CADM2: variants seen among roughly 807,000 people sequenced by gnomAD.
CADM2 encodes the protein immunoglobulin superfamily member 4D.
Under a neutral mutation model 49.8 loss-of-function variants are expected in CADM2, and 12 were observed. That is an observed-to-expected ratio of 0.24 (90% CI 0.15 to 0.39). The LOEUF (loss-of-function observed/expected upper bound fraction) is 0.39. Among genes scored for constraint, CADM2 ranks in the 10% least tolerant of loss-of-function variants. The pLI is 1.00. For missense variants in CADM2, 378 were observed against 492.3 expected, an observed-to-expected ratio of 0.77 and a Z score of 2.20; for synonymous variants, 214 against 175.4, an observed-to-expected ratio of 1.22 and a Z score of -1.74.
intron 1 of CADM2, among the ~76,000 whole-genome samples, chr3:85,452,379 T>C (rs2037786069): frequency 6.6e-6 from 1 of 152,094 alleles, no homozygotes; most frequent in South Asian, 2.1e-4. Flanking sequence ...AAAATGGAGA[T>C]TTAAAGAGAA....
intron 3 of CADM2, among the ~76,000 whole-genome samples, chr3:85,855,993 C>T (rs2075304962): frequency 6.6e-6 from 1 of 152,126 alleles, no homozygotes; most frequent in African/African-American, 2.4e-5. Context: ...ATCAATGCAG[C>T]ATTGCATTAG....
chr3:85,726,552 A>G lies in CADM2; in HGVS notation c.88+4A>G, dbSNP rs1331169255. ...GCTTCAAAGAATAAAGTTAAAGGTGAGCTCCTGTTTATTCTGCATGAGTCA... is the reference window on the plus strand; with the variant it reads ...GCTTCAAAGAATAAAGTTAAAGGTGGGCTCCTGTTTATTCTGCATGAGTCA... On this transcript the variant is annotated splice_donor_region_variant and intron_variant, in intron 2 of 9. Coordinates refer to ENST00000383699, the MANE Select transcript of CADM2 (RefSeq NM_001167675.2). 1.2e-6 allele frequency: 2 copies of G among 1,610,554 alleles called. No homozygotes were observed. The highest frequency in any genetic ancestry group is 2.2e-5 in the South Asian group (2 of 90,962).
chr3:85,701,738 G>A (rs975127607), intron 1 of CADM2, among the ~76,000 whole-genome samples: 2 of 152,092 alleles, frequency 1.3e-5, no homozygotes, highest in Admixed American at 6.6e-5. Context: ...AATTTTACCA[G>A]GACCCAGAAT....
chr3:86,063,379 AT>A (rs1349425361), intron 8 of CADM2, among the ~76,000 whole-genome samples: 2 of 151,692 alleles, frequency 1.3e-5, no homozygotes, highest in Non-Finnish European at 3.0e-5. Flanking sequence ...ATCTGTAGCA[AT>A]TATAAAAACA....
intron 1 of CADM2, among the ~76,000 whole-genome samples, chr3:84,984,551 C>T (rs1389296265): frequency 6.6e-6 from 1 of 151,404 alleles, no homozygotes; most frequent in African/African-American, 2.4e-5. Flanking sequence ...AACAGCTAGT[C>T]CCCACTGCCT....
intron 1 of CADM2, among the ~76,000 whole-genome samples, chr3:85,391,654 A>G (rs1162443845): frequency 6.6e-6 from 1 of 152,146 alleles, no homozygotes; most frequent in African/African-American, 2.4e-5. Context: ...TCTTGGCCAA[A>G]GTGCCAACCA....
chr3:85,829,028 G>A (rs2108221529), intron 3 of CADM2, among the ~76,000 whole-genome samples: 1 of 152,042 alleles, frequency 6.6e-6, no homozygotes, highest in Non-Finnish European at 1.5e-5. Context: ...ATACTTTAGT[G>A]TCTAGCATCA....
chr3:85,117,595 T>C (rs1259637183), intron 1 of CADM2, among the ~76,000 whole-genome samples: 1 of 152,148 alleles, frequency 6.6e-6, no homozygotes, highest in Non-Finnish European at 1.5e-5. Context: ...GATTATAATA[T>C]AGCATTACAG....
At chr3:85,759,203 C>CTTG (rs2069259704) in intron 2 of CADM2, among the ~76,000 whole-genome samples, 1 of 152,024 alleles carries the variant, frequency 6.6e-6, no homozygotes, top group Admixed American at 6.6e-5. Context: ...GAATAAAAGA[C>CTTG]ATTGCTTGAG....
chr3:85,310,910 T>C (rs2044325985), intron 1 of CADM2, among the ~76,000 whole-genome samples: 1 of 152,286 alleles, frequency 6.6e-6, no homozygotes, highest in African/African-American at 2.4e-5. Flanking sequence ...AATATTGTTC[T>C]CATAATGAAG....
intron 1 of CADM2, among the ~76,000 whole-genome samples, chr3:85,184,807 T>C (rs2041016871): frequency 6.6e-6 from 1 of 152,096 alleles, no homozygotes; most frequent in South Asian, 2.1e-4. Flanking sequence ...TTTGCATTAG[T>C]GAAGAGTCTA....
At chr3:85,595,445 A>G (rs1174891401) in intron 1 of CADM2, among the ~76,000 whole-genome samples, 1 of 152,056 alleles carries the variant, frequency 6.6e-6, no homozygotes, top group African/African-American at 2.4e-5. Flanking sequence ...TGTTCTGTCA[A>G]TATTCCAACT....
At chr3:85,018,533 T>G (rs974233625) in intron 1 of CADM2, among the ~76,000 whole-genome samples, 1 of 152,116 alleles carries the variant, frequency 6.6e-6, no homozygotes, top group African/African-American at 2.4e-5. Flanking sequence ...TTTGTATTTT[T>G]CGTAGAGATG....
At chr3:85,063,431 A>G (rs2036410410) in intron 1 of CADM2, among the ~76,000 whole-genome samples, 1 of 152,040 alleles carries the variant, frequency 6.6e-6, no homozygotes, top group African/African-American at 2.4e-5. Flanking sequence ...AGCAGATTTT[A>G]GAAATAGAGC....
intron 1 of CADM2, among the ~76,000 whole-genome samples, chr3:85,229,012 C>T (rs2042223845): frequency 6.6e-6 from 1 of 152,166 alleles, no homozygotes; most frequent in African/African-American, 2.4e-5. Context: ...CAGAGATACC[C>T]TGCCCACAGA....
chr3:85,248,999 TATC>T (rs964107167), intron 1 of CADM2, among the ~76,000 whole-genome samples: 6 of 152,168 alleles, frequency 3.9e-5, no homozygotes, highest in African/African-American at 1.4e-4. Context: ...CAAAAAATGT[TATC>T]ATCTGTAGGA....
At chr3:85,841,990 T>C (rs1457679865) in intron 3 of CADM2, among the ~76,000 whole-genome samples, 1 of 152,124 alleles carries the variant, frequency 6.6e-6, no homozygotes, top group African/African-American at 2.4e-5. Flanking sequence ...TTTTATTTTC[T>C]ATAACAAACC....
intron 8 of CADM2, among the ~76,000 whole-genome samples, chr3:86,020,564 T>C (rs1454802388): frequency 6.6e-6 from 1 of 151,330 alleles, no homozygotes; most frequent in African/African-American, 2.4e-5. Context: ...ATATCCTTGA[T>C]GAACATTGAT....
In CADM2 at chr3:85,568,505, TTC is replaced by T. The variant is rs1303179169; in HGVS notation, c.62-158015_62-158014del. Among the ~76,000 whole-genome samples the T allele has an allele frequency of 8.5e-4, 120 of 141,096 alleles. 13 individuals are homozygous for T. Among genetic ancestry groups the T allele is most frequent in the African/African-American group, 3.1e-3 (117 of 37,458 alleles). The allele number at this position is 141,096 out of a possible 152,430, so 92.6% of individuals were successfully genotyped here. A position where few individuals can be genotyped will look rare whatever the true frequency, so the allele number is the denominator to read the frequency against. On this transcript the variant is annotated intron_variant, in intron 1 of 9. Transcript: ENST00000383699. The stretch of plus-strand genomic sequence containing the variant: ...TTTCTTTCTTTCTTTCTTTCTTTCT[TTC>T]TTTCTTTCCTCCCTCCCTCCCTCTC...
Sources: allele counts gnomAD v4.1 joint callset (sites outside exome capture counted in the v4.1 genomes callset), GRCh38; gene constraint gnomAD v4.1.1; transcripts MANE v1.5; gene names NCBI Gene and HGNC (gene_info 2026-07-23, HGNC 2026-07-21).